The following ZNF845 variants were observed in gnomAD, a reference collection of about 807,000 sequenced individuals.
The protein encoded by ZNF845 is zinc finger protein 845.
A neutral mutation model predicts 76.1 loss-of-function variants in ZNF845; 59 were observed. The observed-to-expected ratio is 0.78, with a 90% CI of 0.63 to 0.96. The LOEUF (loss-of-function observed/expected upper bound fraction) is 0.96. Ranked by LOEUF, ZNF845 falls within the 40% of genes least tolerant of loss-of-function variation. ZNF845 has a pLI of 0.00. For missense variants in ZNF845, 1,045 were observed against 1,172.8 expected (o/e 0.89, Z 1.59); for synonymous variants, 361 against 386.9 (o/e 0.93, Z 0.78).
Position 53,351,732 on chromosome 19 carries a change from A to G in ZNF845, c.1057A>G (p.Lys353Glu). Residue 353 changes from lysine to glutamate, a missense_variant, in exon 4 of 4, where the codon AAA becomes GAA. Coordinates refer to ENST00000458035, the MANE Select transcript of ZNF845 (RefSeq NM_138374.3). Reference protein sequence around the residue: ...VYHRRLHTGEKPYKCEECDKA... With the variant: ...VYHRRLHTGEEPYKCEECDKA... ...CCATCGTAGACTTCATACTGGAGAG[A>G]AACCTTACAAATGTGAAGAATGTGA... 1 of 1,614,134 alleles carries G rather than the reference A, an allele frequency of 6.2e-7. No homozygotes were observed. The highest frequency in any genetic ancestry group is 8.5e-7 in the Non-Finnish European group (1 of 1,179,976).
intron 2 of ZNF845, among the ~76,000 whole-genome samples, chr19:53,342,017 T>G (rs1459733900): frequency 6.6e-6 from 1 of 152,064 alleles, no homozygotes; most frequent in Non-Finnish European, 1.5e-5. Context: ...GGAAAAATGG[T>G]TATAATTTTT....
In ZNF845 at chr19:53,345,302, C is replaced by T. The variant is rs544527313; in HGVS notation, c.16-204C>T. Among the ~76,000 whole-genome samples the T allele has an allele frequency of 9.9e-4, 150 of 151,136 alleles. 1 individual carries two copies. Among genetic ancestry groups the T allele is most frequent in the Middle Eastern group, 3.4e-3 (1 of 294 alleles). On this transcript the variant is annotated intron_variant, in intron 2 of 3. Transcript: ENST00000458035. ...CTGCACTCCGGCCTGGGTGACAGAG[C>T]GAGACTCCGTCTCAAAAAGAAAAAA...
At chr19:53,340,920 C>T (rs2085251840) in intron 1 of ZNF845, 1 of 393,448 alleles carries the variant, frequency 2.5e-6, no homozygotes. Context: ...GGCCCCTCAG[C>T]TGCAGGTGCA....
chr19:53,352,712 A>T lies in ZNF845; in HGVS notation c.2037A>T (p.Thr679=). The T allele has an allele frequency of 1.9e-6, 3 of 1,614,098 alleles. No individual in the cohort carries two copies. Among genetic ancestry groups the T allele is most frequent in the Non-Finnish European group, 2.5e-6 (3 of 1,179,970 alleles). The change falls in exon 4 of 4, where the codon ACA becomes ACT. Residue 679 remains threonine, a synonymous_variant. Coordinates refer to ENST00000458035, the MANE Select transcript of ZNF845 (RefSeq NM_138374.3). ...CCTTTAGTCGGAAGTCATACCTTAC[A>T]TGCCATCGTAGACTTCATACTGGAG... The part of the protein sequence containing the change: ...GKTFSRKSYL[T]CHRRLHTGEK...
chr19:53,351,822 T>TA lies in ZNF845; in HGVS notation c.1148dup (p.Tyr383Ter). ...GAAAATTCATACTGGAGAGAAACCTTACAAGTGTAATGAATGCAGCAGGAC... is the reference window on the plus strand; with the variant it reads ...GAAAATTCATACTGGAGAGAAACCTTAACAAGTGTAATGAATGCAGCAGGAC... Reference protein sequence around the residue: ...HRKIHTGEKPYKCNECSRTFS... With the variant: ...HRKIHTGEKP Residue 383 changes from tyrosine to a stop codon, truncating the protein, a stop_gained and frameshift_variant, in exon 4 of 4, where the codon TAC becomes TAAC. Transcript: ENST00000458035. LOFTEE classifies it high-confidence loss of function. 2 of 1,613,540 alleles carry TA rather than the reference T, an allele frequency of 1.2e-6. No homozygotes were observed. The highest frequency in any genetic ancestry group is 1.7e-6 in the Non-Finnish European group (2 of 1,179,944).
rs1476133079 is a variant in ZNF845, at chr19:53,352,439, T to C, written c.1764T>C (p.Phe588=). 16 of 1,613,864 alleles carry C rather than the reference T, an allele frequency of 9.9e-6. No homozygotes were observed. Among genetic ancestry groups the C allele is most frequent in the African/African-American group, 8.0e-5 (6 of 75,050 alleles). ...AATGTAATGATTGTCACCAAGTCTT[T>C]AGTAATGCTACAACCATTGCAAATC... ...LYKCNDCHQV[F]SNATTIANHW... Residue 588 remains phenylalanine, a synonymous_variant, in exon 4 of 4, where the codon TTT becomes TTC. Coordinates refer to ENST00000458035, the MANE Select transcript of ZNF845 (RefSeq NM_138374.3).
At chr19:53,349,253 A>G (rs937720314) in intron 3 of ZNF845, among the ~76,000 whole-genome samples, 1 of 151,896 alleles carries the variant, frequency 6.6e-6, no homozygotes, top group Admixed American at 6.6e-5. Context: ...CTTATATTGT[A>G]TGCTGCTGGT....
chr19:53,349,289 GT>G (rs1262116654), intron 3 of ZNF845, among the ~76,000 whole-genome samples: 1 of 151,556 alleles, frequency 6.6e-6, no homozygotes, highest in South Asian at 2.1e-4. Context: ...CTTTTTTTCT[GT>G]TTTTTGTTTT....
Position 53,352,013 on chromosome 19 carries a change from A to G in ZNF845, c.1338A>G (p.Glu446=). The G allele has an allele frequency of 8.1e-6, 13 of 1,613,678 alleles. No individual in the cohort carries two copies. Among genetic ancestry groups the G allele is most frequent in the Non-Finnish European group, 1.1e-5 (13 of 1,179,876 alleles). The change falls in exon 4 of 4, where the codon GAA becomes GAG. Residue 446 remains glutamate (E), a synonymous_variant. Transcript: ENST00000458035. ...CTTACAAATGTGAAGAATGTGATGA[A>G]GCTTTCAGTTTCAAATCGAACCTTG... The part of the protein sequence containing the change: ...EKPYKCEECD[E]AFSFKSNLER...
At chr19:53,339,648 T>C (rs1008754468) in intron 1 of ZNF845, among the ~76,000 whole-genome samples, 1 of 152,228 alleles carries the variant, frequency 6.6e-6, no homozygotes, top group Non-Finnish European at 1.5e-5. Context: ...ATTGAGAGTC[T>C]GGGCAGCCAG....
At chr19:53,349,019 G>A (rs927617758) in intron 3 of ZNF845, among the ~76,000 whole-genome samples, 1 of 151,820 alleles carries the variant, frequency 6.6e-6, no homozygotes, top group Non-Finnish European at 1.5e-5. Flanking sequence ...ACCATGCCCA[G>A]CTAATTTTTT....
chr19:53,334,728 C>G (rs555140617), intron 1 of ZNF845, among the ~76,000 whole-genome samples: 1 of 32,452 alleles, frequency 3.1e-5, no homozygotes, highest in African/African-American at 2.1e-4. Context: ...TAGTGAGACC[C>G]CCCCCCCCAT....
chr19:53,335,085 G>A (rs1170002576), intron 1 of ZNF845, among the ~76,000 whole-genome samples: 3 of 152,136 alleles, frequency 2.0e-5, no homozygotes, highest in Non-Finnish European at 4.4e-5. Context: ...CATACATTCT[G>A]TAAATCTTGG....
In ZNF845 at chr19:53,353,419, A is replaced by G. The variant is rs2085359949; in HGVS notation, c.2744A>G (p.Tyr915Cys). 4 of 1,613,906 alleles carry G rather than the reference A, an allele frequency of 2.5e-6. No homozygotes were observed. The highest frequency in any genetic ancestry group is 1.7e-5 in the Admixed American group (1 of 59,998). The part of the protein sequence containing the change: ...HHRIHTGEKP[Y>C]KCNECGKTFR... ...AGAATTCATACTGGAGAGAAACCTT[A>G]CAAGTGTAATGAGTGTGGCAAAACC... The change falls in exon 4 of 4, where the codon TAC becomes TGC. Residue 915 changes from tyrosine to cysteine, a missense_variant. By Grantham distance (194) the Tyr-to-Cys change is radical. Coordinates refer to ENST00000458035, the MANE Select transcript of ZNF845 (RefSeq NM_138374.3).
chr19:53,343,822 G>A (rs927798271), intron 2 of ZNF845, among the ~76,000 whole-genome samples: 2 of 151,968 alleles, frequency 1.3e-5, no homozygotes, highest in Admixed American at 1.3e-4. Context: ...TAGTTTTCAT[G>A]TATTTTCTTT....
intron 1 of ZNF845, among the ~76,000 whole-genome samples, chr19:53,334,301 G>A (rs1386609745): frequency 6.6e-6 from 1 of 152,142 alleles, no homozygotes; most frequent in African/African-American, 2.4e-5. Flanking sequence ...TGGAAAATGC[G>A]CTCCTCCGGG....
intron 3 of ZNF845, among the ~76,000 whole-genome samples, chr19:53,349,026 T>C (rs1228760494): frequency 6.6e-6 from 1 of 151,272 alleles, no homozygotes; most frequent in Non-Finnish European, 1.5e-5. Context: ...CCAGCTAATT[T>C]TTTTTGCATT....
intron 1 of ZNF845, among the ~76,000 whole-genome samples, chr19:53,335,140 G>T (rs746370189): frequency 6.6e-6 from 1 of 152,122 alleles, no homozygotes; most frequent in Non-Finnish European, 1.5e-5. Flanking sequence ...CAGCCAGAGG[G>T]TAGTGACTTA....
At chr19:53,348,438 A>T (rs1366264420) in intron 3 of ZNF845, among the ~76,000 whole-genome samples, 2 of 152,088 alleles carry the variant, frequency 1.3e-5, no homozygotes, top group African/African-American at 2.4e-5. Flanking sequence ...GTGTCCTGAC[A>T]TGGTGGAAAG....
Sources: allele counts gnomAD v4.1 joint callset (sites outside exome capture counted in the v4.1 genomes callset), GRCh38; gene constraint gnomAD v4.1.1; transcripts MANE v1.5; gene names NCBI Gene and HGNC (gene_info 2026-07-23, HGNC 2026-07-21).